Variants in RNF111 observed in about 807,000 individuals in gnomAD.
The protein encoded by RNF111 is E3 ubiquitin-protein ligase Arkadia.
Under a neutral mutation model 95.1 loss-of-function variants are expected in RNF111, and 17 were observed. The ratio of observed to expected loss-of-function variants is 0.18; its 90% CI spans 0.12 to 0.27. The LOEUF is 0.27. Among genes scored for constraint, RNF111 ranks in the 10% least tolerant of loss-of-function variants. RNF111 has a pLI of 1.00. For synonymous variants in RNF111, 440 were observed against 414.8 expected (o/e 1.06, Z -0.74); for missense variants, 1,189 against 1,210.4 (o/e 0.98, Z 0.26).
chr15:59,081,667 A>C (rs2078748458), intron 8 of RNF111, among the ~76,000 whole-genome samples: 2 of 152,010 alleles, frequency 1.3e-5, no homozygotes, highest in South Asian at 4.1e-4. Context: ...AAGCTGAGCT[A>C]TGACTGTGCC....
chr15:59,000,207 AG>A (rs2039264116), intron 1 of RNF111, among the ~76,000 whole-genome samples: 1 of 132,334 alleles, frequency 7.6e-6, no homozygotes, highest in South Asian at 2.3e-4. Flanking sequence ...TCTGTTACCC[AG>A]GCTAGAGTGC....
intron 10 of RNF111, among the ~76,000 whole-genome samples, chr15:59,086,555 T>C (rs1225970485): frequency 6.6e-6 from 1 of 152,250 alleles, no homozygotes; most frequent in African/African-American, 2.4e-5. Context: ...ACTTGTTATA[T>C]AAATGGTACA....
At chr15:59,049,099 G>T (rs2041846903) in intron 2 of RNF111, among the ~76,000 whole-genome samples, 1 of 152,046 alleles carries the variant, frequency 6.6e-6, no homozygotes, top group Non-Finnish European at 1.5e-5. Flanking sequence ...ACACAAAAAA[G>T]TATATTTACA....
intron 1 of RNF111, among the ~76,000 whole-genome samples, chr15:59,024,583 T>G (rs2040508284): frequency 6.6e-6 from 1 of 152,236 alleles, no homozygotes; most frequent in Non-Finnish European, 1.5e-5. Context: ...GATTACATGT[T>G]CTTTTACATA....
At chr15:59,074,859 T>C (rs1219556772) in intron 6 of RNF111, among the ~76,000 whole-genome samples, 1 of 152,214 alleles carries the variant, frequency 6.6e-6, no homozygotes, top group African/African-American at 2.4e-5. Context: ...GGTTTTGGTT[T>C]AAAATGAGAG....
intron 1 of RNF111, among the ~76,000 whole-genome samples, chr15:58,993,367 A>T (rs1158534018): frequency 1.3e-5 from 2 of 150,292 alleles, no homozygotes; most frequent in South Asian, 2.1e-4. Flanking sequence ...AAATAAAAAA[A>T]ATATAACTGT....
At chr15:59,030,683 A>G in intron 1 of RNF111, 121 bp from the exon 2 acceptor site, 1 of 644,230 alleles carries the variant, frequency 1.6e-6, no homozygotes, top group Non-Finnish European at 2.5e-6. Context: ...TTGTGTACTG[A>G]TGAGGAAAAG....
intron 1 of RNF111, among the ~76,000 whole-genome samples, chr15:59,017,415 G>A (rs1189862594): frequency 6.6e-6 from 1 of 152,120 alleles, no homozygotes; most frequent in African/African-American, 2.4e-5. Context: ...AGCTTATTTC[G>A]AAATATGGTT....
chr15:59,017,860 C>T (rs919880819), intron 1 of RNF111, among the ~76,000 whole-genome samples: 6 of 147,196 alleles, frequency 4.1e-5, no homozygotes, highest in Non-Finnish European at 7.4e-5. Context: ...TGGGTTCAAA[C>T]GATTCTCCTG....
At chr15:59,011,291 T>C (rs1300778868) in intron 1 of RNF111, among the ~76,000 whole-genome samples, 1 of 152,238 alleles carries the variant, frequency 6.6e-6, no homozygotes, top group Non-Finnish European at 1.5e-5. Context: ...ACCTCTATCA[T>C]AACACTTATA....
chr15:59,041,773 T>A (rs2041462529), intron 2 of RNF111, among the ~76,000 whole-genome samples: 1 of 152,154 alleles, frequency 6.6e-6, no homozygotes, highest in Non-Finnish European at 1.5e-5. Context: ...TTTCTCAAAA[T>A]CCTTCCAACA....
intron 1 of RNF111, among the ~76,000 whole-genome samples, chr15:59,020,018 T>C (rs1467873604): frequency 2.0e-5 from 3 of 151,552 alleles, no homozygotes; most frequent in Non-Finnish European, 4.4e-5. Flanking sequence ...TGCACCGAAA[T>C]GGGGTTAATG....
At chr15:59,061,072 C>T (rs1398521650) in intron 5 of RNF111, among the ~76,000 whole-genome samples, 4 of 152,192 alleles carry the variant, frequency 2.6e-5, no homozygotes, top group Non-Finnish European at 4.4e-5. Context: ...GCTGGGATTA[C>T]AGGTGTGAAC....
At chr15:59,003,577 T>G (rs1443743518) in intron 1 of RNF111, among the ~76,000 whole-genome samples, 5 of 148,604 alleles carry the variant, frequency 3.4e-5, no homozygotes, top group African/African-American at 1.2e-4. Flanking sequence ...TTTTTTAAAA[T>G]TTTTTGTAGA....
intron 3 of RNF111, among the ~76,000 whole-genome samples, chr15:59,054,967 C>T (rs1471202346): frequency 6.6e-6 from 1 of 152,142 alleles, no homozygotes; most frequent in East Asian, 1.9e-4. Context: ...CCTGTATGTC[C>T]TTAGTCCAAA....
In RNF111 at chr15:59,055,832, C is replaced by T. The variant is rs762532189; in HGVS notation, c.1158C>T (p.Thr386=). ...ATGCAGCAGAAGTTGTGGACCTTAC[C>T]GTTGATGAAGATGGTAAATTGAAGT... is the stretch of plus-strand genomic sequence containing the variant. ...RQNAAEVVDL[T]VDEDEPTVVP... Residue 386 remains threonine, a synonymous_variant, in exon 4 of 14, where the codon ACC becomes ACT. Transcript: ENST00000348370. 8.7e-6 allele frequency: 14 copies of T among 1,608,154 alleles called. No homozygotes were observed. Among genetic ancestry groups the T allele is most frequent in the African/African-American group, 1.3e-5 (1 of 74,608 alleles).
chr15:59,000,038 A>G (rs2039253666), intron 1 of RNF111, among the ~76,000 whole-genome samples: 1 of 152,130 alleles, frequency 6.6e-6, no homozygotes, highest in Admixed American at 6.5e-5. Flanking sequence ...ACCTCCAACA[A>G]TGGGAATTAC....
At chr15:59,025,679 G>C (rs907060839) in intron 1 of RNF111, among the ~76,000 whole-genome samples, 1 of 151,268 alleles carries the variant, frequency 6.6e-6, no homozygotes, top group Non-Finnish European at 1.5e-5. Flanking sequence ...TTGATTTTCT[G>C]ATAATCTCTA....
chr15:58,990,382 A>G (rs1188934965), intron 1 of RNF111, among the ~76,000 whole-genome samples: 1 of 152,196 alleles, frequency 6.6e-6, no homozygotes, highest in Admixed American at 6.5e-5. Context: ...GCTGTGGGCC[A>G]GGCGTGGTGG....
Sources: gnomAD v4.1 joint callset for allele counts (sites outside exome capture counted in the v4.1 genomes callset) on GRCh38, gnomAD v4.1.1 for gene constraint, MANE v1.5 for transcripts, NCBI Gene and HGNC (gene_info 2026-07-23, HGNC 2026-07-21) for gene names.